Variants in FHIT observed in about 807,000 individuals in gnomAD.
FHIT encodes the protein bis(5'-adenosyl)-triphosphatase.
Under a neutral mutation model 17.9 loss-of-function variants are expected in FHIT, and 19 were observed. The observed-to-expected ratio is 1.06, with a 90% CI of 0.74 to 1.56. The LOEUF is 1.56. Ranked by LOEUF, FHIT falls within the 40% of genes most tolerant of loss-of-function variation. The pLI, the probability that FHIT is intolerant of heterozygous loss-of-function variation, is 0.00. For missense variants in FHIT, 248 were observed against 189.2 expected (o/e 1.31, Z -1.82); for synonymous variants, 81 against 69.7 (o/e 1.16, Z -0.81).
intron 6 of FHIT, among the ~76,000 whole-genome samples, chr3:60,013,385 C>T (rs1171127026): frequency 6.6e-6 from 1 of 152,202 alleles, no homozygotes; most frequent in East Asian, 1.9e-4. Context: ...CCTGAAGGAG[C>T]TCATGGTATG....
intron 4 of FHIT, among the ~76,000 whole-genome samples, chr3:60,735,719 C>T (rs1240132149): frequency 6.6e-6 from 1 of 152,186 alleles, no homozygotes; most frequent in Non-Finnish European, 1.5e-5. Context: ...GCAAAAAGCT[C>T]TTAACTTTAT....
intron 5 of FHIT, among the ~76,000 whole-genome samples, chr3:60,486,787 C>A (rs1285067707): frequency 6.6e-6 from 1 of 152,158 alleles, no homozygotes; most frequent in African/African-American, 2.4e-5. Context: ...CACCAATAAA[C>A]GTGATCTTTG....
chr3:60,485,778 AT>A (rs897935820), intron 5 of FHIT, among the ~76,000 whole-genome samples: 2 of 151,974 alleles, frequency 1.3e-5, no homozygotes, highest in African/African-American at 4.8e-5. Flanking sequence ...CTAAAGTAAA[AT>A]TTTTTTTAAA....
At chr3:60,578,090 C>G (rs1419767139) in intron 4 of FHIT, among the ~76,000 whole-genome samples, 2 of 152,030 alleles carry the variant, frequency 1.3e-5, no homozygotes, top group Non-Finnish European at 2.9e-5. Context: ...AACCACAGCA[C>G]AAGGAACAGA....
chr3:60,122,413 G>A (rs1450340174), intron 5 of FHIT, among the ~76,000 whole-genome samples: 2 of 152,070 alleles, frequency 1.3e-5, no homozygotes, highest in Non-Finnish European at 2.9e-5. Context: ...CAGAAAGACT[G>A]GGCAAGATTT....
At chr3:60,313,710 G>A (rs141655936) in intron 5 of FHIT, among the ~76,000 whole-genome samples, 6 of 136,790 alleles carry the variant, frequency 4.4e-5, no homozygotes, top group African/African-American at 1.7e-4. Context: ...CAGGCTTCCC[G>A]GGGGGAGCAA....
intron 5 of FHIT, among the ~76,000 whole-genome samples, chr3:60,285,879 T>C (rs1274177543): frequency 1.3e-5 from 2 of 152,234 alleles, no homozygotes; most frequent in African/African-American, 4.8e-5. Flanking sequence ...ATATTTGTCT[T>C]TTCTTTATGC....
rs114011007 is a variant in FHIT, at chr3:60,102,060, G to A, written c.104-87908C>T. Among the ~76,000 whole-genome samples the A allele has an allele frequency of 4.2e-3, 634 of 152,332 alleles. 3 individuals are homozygous for A. The highest frequency in any genetic ancestry group is 0.014 in the African/African-American group (589 of 41,578). On this transcript the variant is annotated intron_variant, in intron 5 of 9. Coordinates refer to ENST00000492590, the MANE Select transcript of FHIT (RefSeq NM_002012.4). The stretch of plus-strand genomic sequence containing the variant: ...AATGTGGCAACAATCTGTCAGAAAA[G>A]CTGCCTTTTGGTGGGTGAGTCCCAG...
chr3:59,770,482 T>A (rs373333724), intron 8 of FHIT, among the ~76,000 whole-genome samples: 4 of 152,238 alleles, frequency 2.6e-5, no homozygotes, highest in Admixed American at 2.0e-4. Flanking sequence ...AGGCAAAGAT[T>A]GGGGTGACGG....
chr3:60,376,140 A>C lies in FHIT; in HGVS notation c.103+160720T>G, dbSNP rs751502572. Among the ~76,000 whole-genome samples the C allele has an allele frequency of 7.2e-5, 11 of 152,230 alleles. 1 individual carries two copies. The highest frequency in any genetic ancestry group is 4.6e-4 in the Admixed American group (7 of 15,286). On this transcript the variant is annotated intron_variant, in intron 5 of 9. Coordinates refer to ENST00000492590, the MANE Select transcript of FHIT (RefSeq NM_002012.4). ...ACATAGTGTTTAAAATTATTTGTTT[A>C]ATGTCCATCTTTCCCACTAAATTAT...
chr3:60,776,483 G>A (rs1470032348), intron 4 of FHIT, among the ~76,000 whole-genome samples: 1 of 152,202 alleles, frequency 6.6e-6, no homozygotes, highest in East Asian at 1.9e-4. Flanking sequence ...TTATCAAAAT[G>A]TAAATAGGTA....
intron 5 of FHIT, among the ~76,000 whole-genome samples, chr3:60,452,537 T>G (rs1345302455): frequency 6.6e-6 from 1 of 152,216 alleles, no homozygotes; most frequent in Non-Finnish European, 1.5e-5. Context: ...GATATTTAAA[T>G]GACCAGTTTA....
intron 5 of FHIT, among the ~76,000 whole-genome samples, chr3:60,350,498 C>T (rs1711032334): frequency 6.6e-6 from 1 of 152,010 alleles, no homozygotes; most frequent in East Asian, 1.9e-4. Context: ...TTTTTAAAAC[C>T]ATTATGTAGA....
At chr3:60,071,343 A>G (rs1174194331) in intron 5 of FHIT, among the ~76,000 whole-genome samples, 2 of 152,246 alleles carry the variant, frequency 1.3e-5, no homozygotes, top group Non-Finnish European at 2.9e-5. Context: ...ACAACATATT[A>G]TTAATTTCTT....
At chr3:60,653,068 T>C (rs2040033706) in intron 4 of FHIT, among the ~76,000 whole-genome samples, 1 of 152,068 alleles carries the variant, frequency 6.6e-6, no homozygotes, top group Non-Finnish European at 1.5e-5. Context: ...ACCGCAACAA[T>C]AGCCTTCTTA....
At chr3:59,844,507 C>CTG (rs147648463) in intron 8 of FHIT, among the ~76,000 whole-genome samples, 8,231 of 151,450 alleles carry the variant, frequency 0.054, 274 homozygotes, top group Non-Finnish European at 0.076. Flanking sequence ...CTGTGTGTGT[C>CTG]TGTGTGTGTG....
intron 5 of FHIT, among the ~76,000 whole-genome samples, chr3:60,217,005 G>A (rs1293518663): frequency 6.6e-6 from 1 of 152,074 alleles, no homozygotes; most frequent in Non-Finnish European, 1.5e-5. Flanking sequence ...TGAGCAAAAG[G>A]AGGAGAAGTG....
intron 3 of FHIT, among the ~76,000 whole-genome samples, chr3:60,933,831 C>T (rs1471831518): frequency 2.0e-5 from 3 of 152,162 alleles, no homozygotes; most frequent in East Asian, 1.9e-4. Flanking sequence ...TGGATAGCTA[C>T]CTATCTTCAG....
intron 4 of FHIT, among the ~76,000 whole-genome samples, chr3:60,558,444 T>A (rs550730368): frequency 2.6e-5 from 4 of 151,754 alleles, no homozygotes; most frequent in Non-Finnish European, 4.4e-5. Flanking sequence ...CAGAGTCATA[T>A]AGGGAGCTCA....
Sources: allele counts gnomAD v4.1 joint callset (sites outside exome capture counted in the v4.1 genomes callset), GRCh38; gene constraint gnomAD v4.1.1; transcripts MANE v1.5; gene names NCBI Gene and HGNC (gene_info 2026-07-23, HGNC 2026-07-21).